CTNND2: variants seen among roughly 807,000 people sequenced by gnomAD.
The protein encoded by CTNND2 is catenin delta-2.
Under a neutral mutation model 144.4 loss-of-function variants are expected in CTNND2, and 22 were observed. That is an observed-to-expected ratio of 0.15 (90% CI 0.11 to 0.22). The LOEUF (loss-of-function observed/expected upper bound fraction) is 0.22. Among genes scored for constraint, CTNND2 ranks in the 10% least tolerant of loss-of-function variants. The pLI is 1.00. For missense variants in CTNND2, 1,353 were observed against 1,618.8 expected (o/e 0.84, Z 2.82); for synonymous variants, 751 against 695.6 (o/e 1.08, Z -1.25).
chr5:11,168,276 T>C (rs953845656), intron 11 of CTNND2, among the ~76,000 whole-genome samples: 2 of 152,204 alleles, frequency 1.3e-5, no homozygotes, highest in African/African-American at 4.8e-5. Context: ...AAATGATGCC[T>C]GTCCCAAACT....
intron 2 of CTNND2, among the ~76,000 whole-genome samples, chr5:11,672,419 T>TGG (rs986742549): frequency 1.3e-5 from 2 of 152,036 alleles, no homozygotes; most frequent in African/African-American, 4.8e-5. Flanking sequence ...CCCAGGGAGA[T>TGG]GGGGGTTTTA....
At chr5:11,495,827 G>C (rs1420871948) in intron 3 of CTNND2, among the ~76,000 whole-genome samples, 1 of 152,084 alleles carries the variant, frequency 6.6e-6, no homozygotes, top group East Asian at 1.9e-4. Context: ...ATCTGAGGAG[G>C]GTGAGGACAC....
intron 1 of CTNND2, among the ~76,000 whole-genome samples, chr5:11,819,236 C>T (rs1793181508): frequency 6.6e-6 from 1 of 152,072 alleles, no homozygotes; most frequent in Admixed American, 6.6e-5. Flanking sequence ...GAGTTTGAGA[C>T]CAGCCTGGCC....
At chr5:11,770,693 T>C (rs989986459) in intron 1 of CTNND2, among the ~76,000 whole-genome samples, 17 of 152,156 alleles carry the variant, frequency 1.1e-4, no homozygotes, top group Admixed American at 5.9e-4. Flanking sequence ...CCTGGGACTG[T>C]TGGATTTGGG....
chr5:11,276,383 C>A (rs1310598497), intron 9 of CTNND2, among the ~76,000 whole-genome samples: 2 of 152,174 alleles, frequency 1.3e-5, no homozygotes, highest in African/African-American at 4.8e-5. Flanking sequence ...GAAGCACTCT[C>A]TTCTGAAAAC....
chr5:11,545,581 T>G (rs568380149), intron 3 of CTNND2, among the ~76,000 whole-genome samples: 25 of 144,932 alleles, frequency 1.7e-4, no homozygotes, highest in Admixed American at 1.3e-3. Flanking sequence ...GAGAATTGCT[T>G]GAACCCAGGA....
chr5:11,110,326 G>C (rs952951143), intron 14 of CTNND2, among the ~76,000 whole-genome samples: 3 of 152,154 alleles, frequency 2.0e-5, no homozygotes, highest in Admixed American at 2.0e-4. Flanking sequence ...TGTTCCCCAC[G>C]GCCAAGCTTC....
chr5:11,210,041 T>C (rs1463138828), intron 10 of CTNND2, among the ~76,000 whole-genome samples: 1 of 152,176 alleles, frequency 6.6e-6, no homozygotes. Flanking sequence ...TCCTTTTCTT[T>C]CTCCTCCTCC....
intron 7 of CTNND2, among the ~76,000 whole-genome samples, chr5:11,381,026 T>G (rs12518049): frequency 0.44 from 67,041 of 151,908 alleles, 15,199 homozygotes; most frequent in Non-Finnish European, 0.49. Flanking sequence ...TGATGGTGAC[T>G]CTATTCTTCT....
chr5:11,098,563 A>C lies in CTNND2; in HGVS notation c.2637+12T>G, dbSNP rs778576687. Reference sequence around the variant, plus strand: ...CTCCAGATTTCTTTTTATTGTAATGAACTGGCCATACCTTCCAGCTCCCTG... The same window carrying C: ...CTCCAGATTTCTTTTTATTGTAATGCACTGGCCATACCTTCCAGCTCCCTG... On this transcript the variant is annotated intron_variant, in intron 15 of 21. Coordinates refer to ENST00000304623, the MANE Select transcript of CTNND2 (RefSeq NM_001332.4). 1 of 1,611,024 alleles carries C rather than the reference A, an allele frequency of 6.2e-7. No homozygotes were observed. The highest frequency in any genetic ancestry group is 1.3e-5 in the African/African-American group (1 of 74,818).
At chr5:11,701,461 C>T (rs1785429003) in intron 2 of CTNND2, among the ~76,000 whole-genome samples, 2 of 152,108 alleles carry the variant, frequency 1.3e-5, no homozygotes, top group Non-Finnish European at 2.9e-5. Context: ...ATGATTCAGA[C>T]CACTCAAAGA....
chr5:11,698,650 C>G (rs1222650029), intron 2 of CTNND2, among the ~76,000 whole-genome samples: 1 of 152,114 alleles, frequency 6.6e-6, no homozygotes, highest in African/African-American at 2.4e-5. Context: ...TTACACCTTT[C>G]TCTCCATGAA....
At chr5:11,052,921 T>C (rs567285679) in intron 16 of CTNND2, among the ~76,000 whole-genome samples, 5 of 152,200 alleles carry the variant, frequency 3.3e-5, no homozygotes, top group Admixed American at 2.6e-4. Flanking sequence ...GTGTTCATAA[T>C]GCTTTTTTTT....
intron 3 of CTNND2, among the ~76,000 whole-genome samples, chr5:11,516,105 C>CA (rs760294148): frequency 2.7e-5 from 4 of 149,796 alleles, no homozygotes; most frequent in East Asian, 2.0e-4. Flanking sequence ...AACAGTGTCT[C>CA]AAAAAAAAAT....
At chr5:11,073,003 T>C (rs1748509879) in intron 16 of CTNND2, among the ~76,000 whole-genome samples, 1 of 152,248 alleles carries the variant, frequency 6.6e-6, no homozygotes, top group Non-Finnish European at 1.5e-5. Flanking sequence ...TGAAACCCAA[T>C]TACAGCTGTC....
chr5:11,783,914 C>G (rs1172990623), intron 1 of CTNND2, among the ~76,000 whole-genome samples: 1 of 152,162 alleles, frequency 6.6e-6, no homozygotes. Flanking sequence ...CGATGGCACC[C>G]TGGGTGAGAG....
intron 1 of CTNND2, among the ~76,000 whole-genome samples, chr5:11,872,346 G>C (rs891706345): frequency 5.3e-5 from 8 of 152,128 alleles, no homozygotes; most frequent in Admixed American, 6.6e-5. Flanking sequence ...ATAAACACAT[G>C]TGTGCATGTG....
intron 1 of CTNND2, among the ~76,000 whole-genome samples, chr5:11,777,567 C>A (rs978218852): frequency 2.0e-5 from 3 of 152,076 alleles, no homozygotes; most frequent in African/African-American, 7.2e-5. Flanking sequence ...AGAAAAGCAC[C>A]ACTCCTGAAT....
intron 9 of CTNND2, among the ~76,000 whole-genome samples, chr5:11,275,012 A>T (rs1439311040): frequency 6.6e-6 from 1 of 152,160 alleles, no homozygotes; most frequent in African/African-American, 2.4e-5. Flanking sequence ...AATTACGGGT[A>T]TAGAGTTGGT....
Sources: gnomAD v4.1 joint callset for allele counts (sites outside exome capture counted in the v4.1 genomes callset) on GRCh38, gnomAD v4.1.1 for gene constraint, MANE v1.5 for transcripts, NCBI Gene and HGNC (gene_info 2026-07-23, HGNC 2026-07-21) for gene names.